The following EDA variants were observed in gnomAD, a reference collection of about 807,000 sequenced individuals.
The protein encoded by EDA is ectodysplasin A, also known as ectodysplasin-A.
EDA carries 2 observed loss-of-function variants against 23.6 expected under a neutral mutation model. That is an observed-to-expected ratio of 0.08 (90% confidence interval 0.03 to 0.27). EDA has a LOEUF of 0.27. EDA is among the 10% of genes least tolerant of loss of function. The pLI is 1.00. For missense variants in EDA, 229 were observed against 324.2 expected (o/e 0.71, Z 2.26); for synonymous variants, 131 against 132.0 (o/e 0.99, Z 0.05).
intron 1 of EDA, among the ~76,000 whole-genome samples, chrX:69,899,240 A>C (rs1173284797): frequency 8.9e-6 from 1 of 111,859 alleles, no homozygotes; most frequent in Non-Finnish European, 1.9e-5. Flanking sequence ...AATGAGGTAC[A>C]TCTGGTGGGC....
At chrX:69,715,567 G>T (rs1382141170) in intron 1 of EDA, among the ~76,000 whole-genome samples, 1 of 111,772 alleles carries the variant, frequency 8.9e-6, no homozygotes, top group Non-Finnish European at 1.9e-5. Flanking sequence ...ACATGCATGT[G>T]TCTTTATGGT....
At chrX:69,820,985 C>G (rs1207170025) in intron 1 of EDA, among the ~76,000 whole-genome samples, 1 of 111,046 alleles carries the variant, frequency 9.0e-6, no homozygotes, top group African/African-American at 3.3e-5. Context: ...TGGAATCAAC[C>G]TAAATGCCCA....
chrX:69,931,543 G>T (rs769314909), intron 1 of EDA, among the ~76,000 whole-genome samples: 1 of 111,053 alleles, frequency 9.0e-6, no homozygotes, highest in South Asian at 3.8e-4. Flanking sequence ...ATTTAAATGG[G>T]TGAAGTATTT....
intron 1 of EDA, among the ~76,000 whole-genome samples, chrX:69,891,288 G>C (rs1460064975): frequency 8.9e-6 from 1 of 111,774 alleles, no homozygotes; most frequent in Non-Finnish European, 1.9e-5. Context: ...GTTGGTAGGA[G>C]TGTAAATTAG....
intron 1 of EDA, among the ~76,000 whole-genome samples, chrX:69,685,051 A>G (rs770614657): frequency 8.9e-6 from 1 of 112,128 alleles, no homozygotes; most frequent in South Asian, 3.7e-4. Context: ...GGGTGCCAGA[A>G]CATAGAAGTG....
chrX:69,963,614 T>C (rs1178421469), intron 2 of EDA, among the ~76,000 whole-genome samples: 1 of 111,746 alleles, frequency 8.9e-6, no homozygotes, highest in Non-Finnish European at 1.9e-5. Flanking sequence ...TTGCTCATAC[T>C]CCAAAATATC....
chrX:69,966,561 G>T (rs1368797537), intron 2 of EDA, among the ~76,000 whole-genome samples: 1 of 98,299 alleles, frequency 1.0e-5, no homozygotes, highest in African/African-American at 4.0e-5. Flanking sequence ...GCGAAAGAGT[G>T]AGACTCCATC....
intron 1 of EDA, among the ~76,000 whole-genome samples, chrX:69,717,239 C>T (rs1433823067): frequency 9.0e-6 from 1 of 110,508 alleles, no homozygotes; most frequent in Admixed American, 9.7e-5. Context: ...GAGGTATGTC[C>T]CTTCAATACC....
chrX:69,730,383 G>GC (rs72539288), intron 1 of EDA, among the ~76,000 whole-genome samples: 2 of 57 alleles, frequency 0.035, no homozygotes, highest in African/African-American at 0.17. Flanking sequence ...AGAAAAGAAG[G>GC]GAAGAGCTAA....
intron 6 of EDA, among the ~76,000 whole-genome samples, chrX:70,032,814 G>A (rs1467509980): frequency 1.8e-5 from 2 of 111,847 alleles, no homozygotes; most frequent in Non-Finnish European, 1.9e-5. Context: ...AGTTACCATG[G>A]AGTCTGAATC....
intron 1 of EDA, among the ~76,000 whole-genome samples, chrX:69,782,507 A>G (rs2014985664): frequency 9.0e-6 from 1 of 111,231 alleles, no homozygotes; most frequent in South Asian, 3.8e-4. Context: ...TAGCAACTGC[A>G]TTCAATTATG....
chrX:69,978,569 A>C (rs1314668932), intron 2 of EDA, among the ~76,000 whole-genome samples: 3 of 109,592 alleles, frequency 2.7e-5, no homozygotes, highest in Non-Finnish European at 5.7e-5. Flanking sequence ...CACATATCAT[A>C]CACTTCACCC....
intron 1 of EDA, among the ~76,000 whole-genome samples, chrX:69,710,250 G>C (rs1249291452): frequency 1.8e-5 from 2 of 110,352 alleles, no homozygotes; most frequent in Non-Finnish European, 3.8e-5. Flanking sequence ...TTATTAAATA[G>C]GGAATCCTTT....
chrX:69,934,704 G>A (rs2018646776), intron 1 of EDA, among the ~76,000 whole-genome samples: 1 of 111,530 alleles, frequency 9.0e-6, no homozygotes, highest in Admixed American at 9.5e-5. Context: ...GGCACACAAT[G>A]TGTAATAATC....
At chrX:69,956,141 T>A (rs1816852150) in intron 1 of EDA, among the ~76,000 whole-genome samples, 1 of 111,070 alleles carries the variant, frequency 9.0e-6, no homozygotes, top group Non-Finnish European at 1.9e-5. Flanking sequence ...CAGAAGAGCA[T>A]TGACAAATAG....
intron 1 of EDA, among the ~76,000 whole-genome samples, chrX:69,774,305 C>T (rs112197123): frequency 0.018 from 1,967 of 111,853 alleles, 48 homozygotes; most frequent in African/African-American, 0.061. Context: ...TCTTTCTGCA[C>T]TGCTTTCTCC....
chrX:69,616,465 C>T lies in EDA; in HGVS notation c.157C>T (p.Leu53Phe), dbSNP rs974684362. 3.1e-5 allele frequency: 38 copies of T among 1,210,772 alleles called. No homozygotes were observed. The highest frequency in any genetic ancestry group is 4.1e-5 in the Non-Finnish European group (37 of 895,223). The change falls in exon 1 of 8, where the codon CTC (leucine) becomes TTC (phenylalanine). Residue 53 changes from leucine to phenylalanine, a missense_variant. Physicochemically the swap from Leu to Phe is conservative, Grantham distance 22 (BLOSUM62 0). Coordinates refer to ENST00000374552, the MANE Select transcript of EDA (RefSeq NM_001399.5). ...FLGFFGLSLA[L>F]HLLTLCCYLE... is the part of the protein sequence containing the mutation. The stretch of plus-strand genomic sequence containing the variant: ...GGGTTTCTTTGGCCTCTCGCTGGCC[C>T]TCCACCTGCTGACGTTGTGCTGCTA...
At chrX:69,830,194 C>G (rs892913111) in intron 1 of EDA, among the ~76,000 whole-genome samples, 2 of 111,344 alleles carry the variant, frequency 1.8e-5, no homozygotes, top group East Asian at 5.6e-4. Flanking sequence ...TTGATGTTGA[C>G]AAAATGGTTT....
intron 1 of EDA, among the ~76,000 whole-genome samples, chrX:69,932,123 A>G (rs933101561): frequency 1.4e-4 from 16 of 111,832 alleles, no homozygotes; most frequent in Non-Finnish European, 2.3e-4. Flanking sequence ...ATAAAATTCT[A>G]GAAAATGAAA....
Sources: allele counts gnomAD v4.1 joint callset (sites outside exome capture counted in the v4.1 genomes callset), GRCh38; gene constraint gnomAD v4.1.1; transcripts MANE v1.5; gene names NCBI Gene and HGNC (gene_info 2026-07-23, HGNC 2026-07-21).